The following FHIP2A variants were observed in gnomAD, a reference collection of about 807,000 sequenced individuals.
The protein encoded by FHIP2A is family with sequence similarity 160 member B1.
A neutral mutation model predicts 93.5 loss-of-function variants in FHIP2A; 46 were observed. That is an observed-to-expected ratio of 0.49 (90% CI 0.39 to 0.63). The LOEUF (loss-of-function observed/expected upper bound fraction) is 0.63, where lower values mean the gene tolerates loss of function less well. Ranked by LOEUF, FHIP2A falls within the 20% of genes least tolerant of loss-of-function variation. The pLI, the probability that FHIP2A is intolerant of heterozygous loss-of-function variation, is 0.00. For missense variants in FHIP2A, 769 were observed against 909.7 expected, an observed-to-expected ratio of 0.85 and a Z score of 1.99; for synonymous variants, 332 against 326.5, an observed-to-expected ratio of 1.02 and a Z score of -0.18.
At chr10:114,860,070 T>A (rs964397403) in intron 14 of FHIP2A, among the ~76,000 whole-genome samples, 1 of 152,168 alleles carries the variant, frequency 6.6e-6, no homozygotes, top group East Asian at 1.9e-4. Context: ...CCCATCTTGT[T>A]TTTTGGTCTT....
At chr10:114,839,954 A>G (rs1470940431) in intron 5 of FHIP2A, among the ~76,000 whole-genome samples, 2 of 152,146 alleles carry the variant, frequency 1.3e-5, no homozygotes, top group Non-Finnish European at 1.5e-5. Flanking sequence ...GAAGACAGTA[A>G]ATGAATGTTC....
At chr10:114,838,217 C>A (rs1453248449) in intron 5 of FHIP2A, among the ~76,000 whole-genome samples, 1 of 152,156 alleles carries the variant, frequency 6.6e-6, no homozygotes, top group African/African-American at 2.4e-5. Flanking sequence ...TAAATGTTAA[C>A]CACTCCAATA....
At chr10:114,825,723 A>G (rs1184286667) in intron 1 of FHIP2A, among the ~76,000 whole-genome samples, 1 of 152,192 alleles carries the variant, frequency 6.6e-6, no homozygotes, top group Non-Finnish European at 1.5e-5. Context: ...GTTAGATTGG[A>G]TTGTTTTAAC....
intron 12 of FHIP2A, 134 bp downstream of exon 12, chr10:114,847,367 C>T: frequency 6.0e-6 from 4 of 670,416 alleles, no homozygotes; most frequent in Non-Finnish European, 6.9e-6. Flanking sequence ...CTGCTCACTG[C>T]AACCTCCGCC....
chr10:114,867,482 T>C (rs2083835361), downstream of FHIP2A, among the ~76,000 whole-genome samples: 1 of 152,190 alleles, frequency 6.6e-6, no homozygotes, highest in African/African-American at 2.4e-5. Flanking sequence ...AATTGGACTT[T>C]TAAAATGACC....
chr10:114,860,680 G>T, intron 14 of FHIP2A, 69 bp from the exon 15 acceptor site: 1 of 1,279,148 alleles, frequency 7.8e-7, no homozygotes, highest in South Asian at 1.2e-5. Flanking sequence ...AGAACAAATT[G>T]AAATAGTAAA....
Position 114,831,249 on chromosome 10 carries a change from G to T in FHIP2A, c.124+319G>T, listed in dbSNP as rs184030337. On this transcript the variant is annotated intron_variant, in intron 2 of 16. Transcript: ENST00000369248. Reference sequence around the variant, plus strand: ...GACAAATATGTATAGTGTGTCAGATGATAAGCGTCAAGGGAAAATGAAGCA... The same window carrying T: ...GACAAATATGTATAGTGTGTCAGATTATAAGCGTCAAGGGAAAATGAAGCA... Among the ~76,000 whole-genome samples, 301 of 152,324 alleles carry T rather than the reference G, an allele frequency of 2.0e-3. 2 individuals carry two copies. The highest frequency in any genetic ancestry group is 2.6e-3 in the Non-Finnish European group (180 of 68,020).
chr10:114,866,782 C>G (rs999107106), downstream of FHIP2A, among the ~76,000 whole-genome samples: 2 of 152,176 alleles, frequency 1.3e-5, no homozygotes, highest in African/African-American at 4.8e-5. Context: ...GATGGCAAAT[C>G]ATCTAAACAG....
chr10:114,848,784 C>G, intron 13 of FHIP2A, 47 bp downstream of exon 13: 1 of 1,189,746 alleles, frequency 8.4e-7, no homozygotes, highest in South Asian at 1.2e-5. Context: ...AGAATAGACA[C>G]ATGCACACCC....
chr10:114,865,373 A>G (rs2083823574), downstream of FHIP2A, among the ~76,000 whole-genome samples: 1 of 152,150 alleles, frequency 6.6e-6, no homozygotes, highest in African/African-American at 2.4e-5. Context: ...CACTTAAAAC[A>G]ATTAGACTCT....
chr10:114,836,843 G>A (rs970300148), intron 5 of FHIP2A, among the ~76,000 whole-genome samples: 1 of 151,810 alleles, frequency 6.6e-6, no homozygotes, highest in Admixed American at 6.6e-5. Context: ...AAGTCATTTT[G>A]GAATATTTTA....
chr10:114,860,540 C>G (rs1297721041), intron 14 of FHIP2A, among the ~76,000 whole-genome samples: 1 of 151,956 alleles, frequency 6.6e-6, no homozygotes, highest in Non-Finnish European at 1.5e-5. Context: ...TGAGTAGAGA[C>G]GGGGTTTCTC....
At chr10:114,893,578 A>G (rs1592036998) in intron 16 of FHIP2A, among the ~76,000 whole-genome samples, 1 of 152,200 alleles carries the variant, frequency 6.6e-6, no homozygotes. Context: ...ATGCTTCCCC[A>G]AAATCCAGTA....
Position 114,861,823 on chromosome 10 carries a change from T to C in FHIP2A, c.*283T>C, listed in dbSNP as rs1042491544. On this transcript the variant is annotated 3_prime_UTR_variant, in exon 17 of 17. Coordinates refer to ENST00000369248, the MANE Select transcript of FHIP2A (RefSeq NM_020940.4). ...TCAGGAAATAAGCATTTCTAATGAC[T>C]GTGAAAAGCTGCAATATTTCCAATG... 1 of 1,056,302 alleles carries C rather than the reference T, an allele frequency of 9.5e-7. No homozygotes were observed. 65.4% of individuals were successfully genotyped at this position (1,056,302 alleles called of 1,614,324 possible).
rs1170230825 is a variant in FHIP2A, at chr10:114,862,585, C to G, written c.*1045C>G. On this transcript the variant is annotated 3_prime_UTR_variant, in exon 17 of 17. Transcript: ENST00000369248. The stretch of plus-strand genomic sequence containing the variant: ...AACAGAGTTTTAAATGTCCTATTTA[C>G]ATGTTAAAGGATTTGGGGAAATTGG... 1 of 986,598 alleles carries G rather than the reference C, an allele frequency of 1.0e-6. No homozygotes were observed. The highest frequency in any genetic ancestry group is 1.1e-4 in the East Asian group (1 of 8,828). 61.1% of individuals were successfully genotyped at this position (986,598 alleles called of 1,614,324 possible).
Position 114,861,838 on chromosome 10 carries a change from T to C in FHIP2A, c.*298T>C. On this transcript the variant is annotated 3_prime_UTR_variant, in exon 17 of 17. Coordinates refer to ENST00000369248, the MANE Select transcript of FHIP2A (RefSeq NM_020940.4). Reference sequence around the variant, plus strand: ...TTCTAATGACTGTGAAAAGCTGCAATATTTCCAATGTCATGACTTTGATGA... The same window carrying C: ...TTCTAATGACTGTGAAAAGCTGCAACATTTCCAATGTCATGACTTTGATGA... 1 of 1,037,034 alleles carries C rather than the reference T, an allele frequency of 9.6e-7. No individual in the cohort carries two copies. The highest frequency in any genetic ancestry group is 1.7e-5 in the African/African-American group (1 of 58,906). The allele number at this position is 1,037,034 out of a possible 1,614,324, so 64.2% of individuals were successfully genotyped here.
At chr10:114,891,859 G>A (rs950871066) in intron 16 of FHIP2A, among the ~76,000 whole-genome samples, 3 of 151,792 alleles carry the variant, frequency 2.0e-5, no homozygotes, top group African/African-American at 2.4e-5. Flanking sequence ...CAGGTGATCC[G>A]CCCACCTCAG....
At chr10:114,857,226 C>G (rs1203172787) in intron 14 of FHIP2A, among the ~76,000 whole-genome samples, 1 of 151,856 alleles carries the variant, frequency 6.6e-6, no homozygotes, top group Admixed American at 6.6e-5. Context: ...CATTTTTGGC[C>G]TAGTTTTACT....
At chr10:114,823,541 T>G (rs983019050) in intron 1 of FHIP2A, among the ~76,000 whole-genome samples, 39 of 152,154 alleles carry the variant, frequency 2.6e-4, no homozygotes, top group African/African-American at 9.2e-4. Context: ...GTCACCCAGG[T>G]TGGAGTGCAG....
Sources: allele counts gnomAD v4.1 joint callset (sites outside exome capture counted in the v4.1 genomes callset), GRCh38; gene constraint gnomAD v4.1.1; transcripts MANE v1.5; gene names NCBI Gene and HGNC (gene_info 2026-07-23, HGNC 2026-07-21).